The following HOXB6 variants were observed in gnomAD, a reference collection of about 807,000 sequenced individuals.
HOXB6 encodes the protein homeobox B6.
Under a neutral mutation model 24.2 loss-of-function variants are expected in HOXB6, and 18 were observed. The observed-to-expected ratio is 0.74, with a 90% CI of 0.51 to 1.10. HOXB6 has a LOEUF of 1.10. Among genes scored for constraint, HOXB6 ranks in the 50% least tolerant of loss-of-function variants. HOXB6 has a pLI of 0.00. For missense variants in HOXB6, 332 were observed against 308.3 expected, an observed-to-expected ratio of 1.08 and a Z score of -0.58; for synonymous variants, 159 against 139.1, an observed-to-expected ratio of 1.14 and a Z score of -1.01.
chr17:48,596,254 G>T lies in HOXB6; in HGVS notation c.*159C>A. Reference sequence around the variant, plus strand: ...TCAGAGCACCCGCCGGGAGCTGTGCGGGCGGGGGCGTCCAGGAGAGCGCTG... The same window carrying T: ...TCAGAGCACCCGCCGGGAGCTGTGCTGGCGGGGGCGTCCAGGAGAGCGCTG... On this transcript the variant is annotated 3_prime_UTR_variant, in exon 4 of 4. Coordinates refer to ENST00000225648, the MANE Select transcript of HOXB6 (RefSeq NM_018952.5). This position sits in a 1 kb window ranked among gnomAD's most constrained non-coding sequence, Gnocchi z 4.8. 2.7e-6 allele frequency: 3 copies of T among 1,113,754 alleles called. No individual in the cohort carries two copies. The highest frequency in any genetic ancestry group is 4.1e-6 in the Non-Finnish European group (3 of 738,914). 69.0% of individuals were successfully genotyped at this position (1,113,754 alleles called of 1,614,324 possible).
Position 48,596,024 on chromosome 17 carries a change from G to C in HOXB6, c.*389C>G. On this transcript the variant is annotated 3_prime_UTR_variant, in exon 4 of 4. Transcript: ENST00000225648. This position sits in a 1 kb window ranked among gnomAD's most constrained non-coding sequence, Gnocchi z 4.8. ...AGGGAGTCTTCAAGGCCCCCGCTGA[G>C]GGGACAGCGAATCTACCATTGAACC... is the stretch of plus-strand genomic sequence containing the variant. 1 of 469,870 alleles carries C rather than the reference G, an allele frequency of 2.1e-6. No individual in the cohort carries two copies. The highest frequency in any genetic ancestry group is 4.2e-6 in the Non-Finnish European group (1 of 236,228). The allele number at this position is 469,870 out of a possible 1,614,324, so 29.1% of individuals were successfully genotyped here.
chr17:48,599,867 G>A (rs1218076701), intron 2 of HOXB6, among the ~76,000 whole-genome samples: 1 of 152,134 alleles, frequency 6.6e-6, no homozygotes, highest in East Asian at 1.9e-4. Context: ...CCTTTTTCTG[G>A]CCAAGTTCTG....
chr17:48,604,094 G>A (rs754757347), intron 2 of HOXB6: 18 of 152,804 alleles, frequency 1.2e-4, no homozygotes, highest in Non-Finnish European at 2.3e-4. Context: ...GACAAGGGAG[G>A]GATGGCAGGA....
intron 2 of HOXB6, among the ~76,000 whole-genome samples, chr17:48,600,233 G>A: frequency 6.6e-6 from 1 of 152,120 alleles, no homozygotes; most frequent in Non-Finnish European, 1.5e-5. Context: ...GCACCTCCCT[G>A]CCTACTGCTG....
At chr17:48,598,669 G>T (rs2070384324) in intron 2 of HOXB6, among the ~76,000 whole-genome samples, 1 of 152,232 alleles carries the variant, frequency 6.6e-6, no homozygotes, top group African/African-American at 2.4e-5. Context: ...CTCCGGGGAG[G>T]GTTGGGTAAA....
chr17:48,596,377 C>G lies in HOXB6; in HGVS notation c.*36G>C, dbSNP rs747734736. 6.2e-7 allele frequency: 1 copy of G among 1,614,204 alleles called. No homozygotes were observed. Among genetic ancestry groups the G allele is most frequent in the Non-Finnish European group, 8.5e-7 (1 of 1,180,032 alleles). ...CTGACGCCCTCGGCTCCCCACAGGC[C>G]TTTCCCCTCGCGTCCTCCCTCCCTT... On this transcript the variant is annotated 3_prime_UTR_variant, in exon 4 of 4. Transcript: ENST00000225648. This position sits in a 1 kb window ranked among gnomAD's most constrained non-coding sequence, Gnocchi z 4.8.
chr17:48,596,326 C>G lies in HOXB6; in HGVS notation c.*87G>C, dbSNP rs2070288898. On this transcript the variant is annotated 3_prime_UTR_variant, in exon 4 of 4. Coordinates refer to ENST00000225648, the MANE Select transcript of HOXB6 (RefSeq NM_018952.5). The surrounding 1 kb of genome is among the most constrained non-coding windows in gnomAD (Gnocchi z 4.8). ...AGAGCAGGTCTCCTGGCTCCCCCAC[C>G]CGAGAGCCTTCCTTCCCGGGTCTCT... 6.3e-7 allele frequency: 1 copy of G among 1,594,626 alleles called. No individual in the cohort carries two copies. Among genetic ancestry groups the G allele is most frequent in the Non-Finnish European group, 8.6e-7 (1 of 1,163,618 alleles).
At chr17:48,602,185 C>T (rs1203001436) in intron 2 of HOXB6, 1 of 456,154 alleles carries the variant, frequency 2.2e-6, no homozygotes, top group Non-Finnish European at 4.4e-6. Context: ...GACCCACCAA[C>T]CAAGGAGCTG....
chr17:48,600,499 G>C (rs755373183), intron 2 of HOXB6: 22 of 455,778 alleles, frequency 4.8e-5, no homozygotes, highest in Non-Finnish European at 8.4e-5. Context: ...GCCTGGAGTC[G>C]GGCATGAAAG....
At chr17:48,604,005 C>T (rs1423908464) in intron 2 of HOXB6, 2 of 152,802 alleles carry the variant, frequency 1.3e-5, no homozygotes, top group Non-Finnish European at 2.9e-5. Flanking sequence ...GCCACCGCCT[C>T]ACATGCCAGT....
chr17:48,602,412 G>C (rs557686228), intron 2 of HOXB6: 4 of 362,572 alleles, frequency 1.1e-5, no homozygotes, highest in African/African-American at 2.1e-5. Flanking sequence ...TGGGGGTGTC[G>C]GCTCTGATCC....
rs1347057075 is a variant in HOXB6 at position 48,596,706 on chromosome 17, G to A, written c.416-34C>T. ...CAGAGTGGAGATGCTGAGGCCTGCG[G>A]TCACCGGGCCCAGGACCCCCTCCCC... On this transcript the variant is annotated intron_variant, in intron 3 of 3. Coordinates refer to ENST00000225648, the MANE Select transcript of HOXB6 (RefSeq NM_018952.5). This position sits in a 1 kb window ranked among gnomAD's most constrained non-coding sequence, Gnocchi z 4.8. 1 of 1,606,776 alleles carries A rather than the reference G, an allele frequency of 6.2e-7. No homozygotes were observed. Among genetic ancestry groups the A allele is most frequent in the Non-Finnish European group, 8.5e-7 (1 of 1,179,936 alleles).
At chr17:48,599,914 C>T (rs1345482905) in intron 2 of HOXB6, among the ~76,000 whole-genome samples, 1 of 152,128 alleles carries the variant, frequency 6.6e-6, no homozygotes, top group Admixed American at 6.5e-5. Context: ...GGGAAGGTGG[C>T]AGGGGACTGA....
chr17:48,599,248 CTA>C (rs1312435658), intron 2 of HOXB6, among the ~76,000 whole-genome samples: 1 of 152,156 alleles, frequency 6.6e-6, no homozygotes, highest in Non-Finnish European at 1.5e-5. Flanking sequence ...ATAGCCTGGG[CTA>C]TAGGATTTTC....
Position 48,596,973 on chromosome 17 carries a change from C to T in HOXB6, c.416-301G>A. On this transcript the variant is annotated intron_variant, in intron 3 of 3. Coordinates refer to ENST00000225648, the MANE Select transcript of HOXB6 (RefSeq NM_018952.5). The surrounding 1 kb of genome is among the most constrained non-coding windows in gnomAD (Gnocchi z 4.8). The stretch of plus-strand genomic sequence containing the variant: ...CTAGTTGCATCTTGTCTTTCCCTCC[C>T]TTTCCATCCATCTTGTTCCCACCCC... The T allele has an allele frequency of 7.7e-7, 1 of 1,305,016 alleles. No homozygotes were observed. Among genetic ancestry groups the T allele is most frequent in the South Asian group, 1.6e-5 (1 of 63,950 alleles). 80.8% of individuals were successfully genotyped at this position (1,305,016 alleles called of 1,614,324 possible). A position where few individuals can be genotyped will look rare whatever the true frequency, so the allele number is the denominator to read the frequency against.
chr17:48,598,123 A>G lies in HOXB6; in HGVS notation c.28T>C (p.Phe10Leu), dbSNP rs1453835333. ...TGCCCGCTGGCCAGAGTGACGGGGAAGGTGGAGTTCACGAAATAGGAACTC... is the reference window on the plus strand; with the variant it reads ...TGCCCGCTGGCCAGAGTGACGGGGAGGGTGGAGTTCACGAAATAGGAACTC... MSSYFVNST[F>L]PVTLASGQES... Residue 10 changes from phenylalanine to leucine, a missense_variant, in exon 3 of 4, where the codon TTC (phenylalanine) becomes CTC (leucine). Physicochemically the swap from Phe to Leu is conservative, Grantham distance 22. Coordinates refer to ENST00000225648, the MANE Select transcript of HOXB6 (RefSeq NM_018952.5). The G allele has an allele frequency of 6.3e-7, 1 of 1,594,856 alleles. No homozygotes were observed. The highest frequency in any genetic ancestry group is 1.3e-5 in the African/African-American group (1 of 74,638).
intron 2 of HOXB6, chr17:48,603,785 G>C (rs2070521912): frequency 6.6e-6 from 1 of 152,296 alleles, no homozygotes; most frequent in South Asian, 2.1e-4. Context: ...AGATACTTGG[G>C]CATTCTCGGG....
At position 48,596,421 on chromosome 17, in the gene HOXB6, C is replaced by A. The variant is rs749657262; in HGVS notation, c.667G>T (p.Ala223Ser). 6.2e-7 allele frequency: 1 copy of A among 1,614,230 alleles called. No individual in the cohort carries two copies. The highest frequency in any genetic ancestry group is 8.5e-7 in the Non-Finnish European group (1 of 1,180,040). ...LSAEEEEEKQAE is the reference protein window; with the variant it reads ...LSAEEEEEKQSE ...CTCCCTTTCCAGCACCTTCACTCGG[C>A]CTGTTTTTCTTCCTCCTCCTCGGCA... Residue 223 changes from alanine to serine, a missense_variant, in exon 4 of 4, where the codon GCC (alanine) becomes TCC (serine). Transcript: ENST00000225648. The surrounding 1 kb of genome is among the most constrained non-coding windows in gnomAD (Gnocchi z 4.8).
At chr17:48,600,435 T>G (rs766566958) in intron 2 of HOXB6, 4 of 455,338 alleles carry the variant, frequency 8.8e-6, no homozygotes, top group Non-Finnish European at 1.8e-5. Context: ...CAAATTAACC[T>G]CACCTCTGCA....
Sources: allele counts gnomAD v4.1 joint callset (sites outside exome capture counted in the v4.1 genomes callset), GRCh38; gene constraint gnomAD v4.1.1; non-coding constraint Gnocchi (gnomAD v3.1); transcripts MANE v1.5; gene names NCBI Gene and HGNC (gene_info 2026-07-23, HGNC 2026-07-21).